The following ZNF385D variants were observed in gnomAD, a reference collection of about 807,000 sequenced individuals.
ZNF385D encodes zinc finger protein 659.
In ZNF385D, 15 loss-of-function variants were observed where a neutral mutation model predicts 35.8. The ratio of observed to expected loss-of-function variants is 0.42; its 90% CI spans 0.28 to 0.64. The LOEUF is 0.64. ZNF385D is among the 30% of genes least tolerant of loss of function. The probability of loss-of-function intolerance (pLI) is 0.23; values close to 1 mark genes in which losing one functional copy is unlikely to be tolerated. For missense variants in ZNF385D, 474 were observed against 494.6 expected, an observed-to-expected ratio of 0.96 and a Z score of 0.39; for synonymous variants, 212 against 186.8, an observed-to-expected ratio of 1.13 and a Z score of -1.10.
At chr3:21,825,313 T>G (rs954706563) in intron 3 of ZNF385D, among the ~76,000 whole-genome samples, 1 of 152,214 alleles carries the variant, frequency 6.6e-6, no homozygotes, top group African/African-American at 2.4e-5. Context: ...TTACCTACAG[T>G]ATTTATTACC....
At chr3:21,691,384 G>GT (rs2067280158) in intron 1 of ZNF385D, among the ~76,000 whole-genome samples, 1 of 151,834 alleles carries the variant, frequency 6.6e-6, no homozygotes, top group African/African-American at 2.4e-5. Context: ...CCACAGTTTT[G>GT]TAACTTTCCC....
chr3:22,204,173 C>A (rs537969398), intron 2 of ZNF385D, among the ~76,000 whole-genome samples: 1 of 151,962 alleles, frequency 6.6e-6, no homozygotes, highest in African/African-American at 2.4e-5. Flanking sequence ...TTTGGAAGAA[C>A]GTAAGGGAAG....
intron 1 of ZNF385D, among the ~76,000 whole-genome samples, chr3:21,684,394 CTCTCTCTCTCCTCTCT>C (rs1186047681): frequency 1.2e-5 from 1 of 85,764 alleles, no homozygotes; most frequent in African/African-American, 5.8e-5. Flanking sequence ...CTCTCTCTCT[CTCTCTCTCTCCTCTCT>C]CTCTCTCTCT....
intron 3 of ZNF385D, among the ~76,000 whole-genome samples, chr3:22,035,001 T>C (rs1038098741): frequency 2.0e-5 from 3 of 152,224 alleles, no homozygotes; most frequent in Admixed American, 2.0e-4. Context: ...AATTTTTATA[T>C]TGTTTTGTAC....
intron 2 of ZNF385D, among the ~76,000 whole-genome samples, chr3:21,617,810 T>TG (rs2064891929): frequency 6.6e-6 from 1 of 152,144 alleles, no homozygotes; most frequent in African/African-American, 2.4e-5. Context: ...GAAAGAACAC[T>TG]GGGTGAGGAG....
At chr3:22,116,900 G>A (rs186989456) in intron 3 of ZNF385D, among the ~76,000 whole-genome samples, 8 of 152,034 alleles carry the variant, frequency 5.3e-5, no homozygotes, top group Non-Finnish European at 8.8e-5. Context: ...TTGTCACCAT[G>A]TGCTAGTCAC....
chr3:22,193,179 G>A (rs1277890496), intron 2 of ZNF385D, among the ~76,000 whole-genome samples: 1 of 152,036 alleles, frequency 6.6e-6, no homozygotes, highest in African/African-American at 2.4e-5. Context: ...CAACCACATT[G>A]AGGAAGTACT....
intron 3 of ZNF385D, among the ~76,000 whole-genome samples, chr3:21,997,239 A>G (rs780209354): frequency 6.6e-6 from 1 of 152,134 alleles, no homozygotes; most frequent in East Asian, 1.9e-4. Context: ...TGAGCAAACT[A>G]TTTCAAGGAC....
chr3:22,211,057 T>C (rs770732073), intron 2 of ZNF385D, among the ~76,000 whole-genome samples: 1 of 151,894 alleles, frequency 6.6e-6, no homozygotes, highest in Non-Finnish European at 1.5e-5. Context: ...TTTTCTAAAT[T>C]CTCCAAAACT....
intron 2 of ZNF385D, among the ~76,000 whole-genome samples, chr3:21,587,979 A>G (rs9865249): frequency 0.56 from 84,712 of 151,940 alleles, 23,673 homozygotes; most frequent in East Asian, 0.6. Context: ...TGGATGCCCA[A>G]TTTTAGTGCC....
chr3:21,897,313 C>G (rs1289652278), intron 3 of ZNF385D, among the ~76,000 whole-genome samples: 1 of 152,134 alleles, frequency 6.6e-6, no homozygotes, highest in Non-Finnish European at 1.5e-5. Flanking sequence ...ATATTGATTA[C>G]TAAGAACTAT....
Position 22,190,923 on chromosome 3 carries a change from A to T in ZNF385D, c.107-21888T>A, listed in dbSNP as rs180830116. Among the ~76,000 whole-genome samples, 227 of 152,242 alleles carry T rather than the reference A, an allele frequency of 1.5e-3. 1 individual carries two copies. The highest frequency in any genetic ancestry group is 5.1e-3 in the African/African-American group (212 of 41,536). ...TACTCTGTGAATTTCTAAAATGTAA[A>T]ATCATCTATGAAAAGTACCTAAAAG... On this transcript the variant is annotated intron_variant, in intron 2 of 5. Coordinates refer to the ZNF385D transcript ENST00000494108.
intron 3 of ZNF385D, among the ~76,000 whole-genome samples, chr3:22,039,328 A>T (rs1158884783): frequency 6.6e-6 from 1 of 151,862 alleles, no homozygotes; most frequent in Admixed American, 6.6e-5. Flanking sequence ...CTATTCCCAG[A>T]AAATGTCAAC....
At position 22,304,767 on chromosome 3, in the gene ZNF385D, A is replaced by C. The variant is rs79729616; in HGVS notation, c.106+67683T>G. On this transcript the variant is annotated intron_variant, in intron 2 of 5. Coordinates refer to the ZNF385D transcript ENST00000494108. The stretch of plus-strand genomic sequence containing the variant: ...TATTTCTTAAATTCTCTCTTCACAC[A>C]ATCAGGCATATAAGAACTATTTTTC... Among the ~76,000 whole-genome samples, 1,187 of 152,260 alleles carry C rather than the reference A, an allele frequency of 7.8e-3. 17 individuals are homozygous for C. The highest frequency in any genetic ancestry group is 0.051 in the South Asian group (245 of 4,830).
At chr3:22,315,925 G>T (rs2125436868) in intron 2 of ZNF385D, among the ~76,000 whole-genome samples, 1 of 152,270 alleles carries the variant, frequency 6.6e-6, no homozygotes, top group African/African-American at 2.4e-5. Flanking sequence ...TAAAAAGTAG[G>T]CATAGTTCCT....
At chr3:21,730,040 G>A (rs1464268124) in intron 1 of ZNF385D, among the ~76,000 whole-genome samples, 2 of 152,154 alleles carry the variant, frequency 1.3e-5, no homozygotes, top group Admixed American at 6.6e-5. Context: ...TTTTCCTAGT[G>A]CAACTAACGT....
At chr3:22,267,748 T>G (rs1261110873) in intron 2 of ZNF385D, among the ~76,000 whole-genome samples, 1 of 151,958 alleles carries the variant, frequency 6.6e-6, no homozygotes, top group Non-Finnish European at 1.5e-5. Flanking sequence ...AAATGCTCTA[T>G]TTGGATTGCA....
intron 2 of ZNF385D, among the ~76,000 whole-genome samples, chr3:21,637,614 T>G (rs2125850531): frequency 6.6e-6 from 1 of 152,182 alleles, no homozygotes; most frequent in South Asian, 2.1e-4. Context: ...GCCACTGTTC[T>G]TAAATACTGT....
At chr3:21,468,918 ACT>A (rs967516664) in intron 4 of ZNF385D, among the ~76,000 whole-genome samples, 5 of 152,018 alleles carry the variant, frequency 3.3e-5, no homozygotes, top group Non-Finnish European at 7.4e-5. Context: ...ACAGAGTAAG[ACT>A]CTGTCTAAAA....
Sources: gnomAD v4.1 joint callset for allele counts (sites outside exome capture counted in the v4.1 genomes callset) on GRCh38, gnomAD v4.1.1 for gene constraint, MANE v1.5 for transcripts, NCBI Gene and HGNC (gene_info 2026-07-23, HGNC 2026-07-21) for gene names.